Variants in PCDH7 observed in about 807,000 individuals in gnomAD.
PCDH7 encodes the protein protocadherin-7.
A neutral mutation model predicts 58.9 loss-of-function variants in PCDH7; 17 were observed. The observed-to-expected ratio is 0.29, with a 90% CI of 0.20 to 0.43. The LOEUF (loss-of-function observed/expected upper bound fraction) is 0.43, where lower values mean the gene tolerates loss of function less well. Among genes scored for constraint, PCDH7 ranks in the 20% least tolerant of loss-of-function variants. The pLI is 1.00. For synonymous variants in PCDH7, 664 were observed against 616.4 expected (o/e 1.08, Z -1.14); for missense variants, 1,274 against 1,441.0 (o/e 0.88, Z 1.88).
At chr4:31,097,255 G>A (rs532625157) in intron 3 of PCDH7, among the ~76,000 whole-genome samples, 2 of 151,870 alleles carry the variant, frequency 1.3e-5, no homozygotes, top group East Asian at 2.0e-4. Context: ...TCAGGAGTTC[G>A]AGACCAGGCT....
rs4586889 is a variant in PCDH7, at chr4:30,908,098, C to T, written c.71-12055C>T. On this transcript the variant is annotated intron_variant, in intron 1 of 3. Transcript: ENST00000509759. ...GGAACACCACACACCAGGGCCGGTT[C>T]GGGGGTGAGGGGCTAGGGGAGGGAT... Among the ~76,000 whole-genome samples, 390 of 151,864 alleles carry T rather than the reference C, an allele frequency of 2.6e-3. 1 individual carries two copies. The highest frequency in any genetic ancestry group is 2.7e-3 in the Non-Finnish European group (181 of 67,932).
At chr4:31,034,255 G>C (rs1755197482) in intron 3 of PCDH7, among the ~76,000 whole-genome samples, 1 of 151,944 alleles carries the variant, frequency 6.6e-6, no homozygotes. Context: ...TCTACATCGA[G>C]TTGGACCTTG....
At chr4:31,058,383 T>C (rs1445337962) in intron 3 of PCDH7, among the ~76,000 whole-genome samples, 1 of 152,094 alleles carries the variant, frequency 6.6e-6, no homozygotes, top group East Asian at 1.9e-4. Context: ...GTAAGCAATA[T>C]TAATTTATTT....
chr4:30,721,003 G>A lies in PCDH7; in HGVS notation c.-420G>A, dbSNP rs1037669766. Reference sequence around the variant, plus strand: ...TTCCCAGCCCCACTGCCCGTCTGCCGGAGCGGTTCTGGCCCCTTCCGACAG... The same window carrying A: ...TTCCCAGCCCCACTGCCCGTCTGCCAGAGCGGTTCTGGCCCCTTCCGACAG... On this transcript the variant is annotated 5_prime_UTR_variant, in exon 1 of 2. Coordinates refer to ENST00000361762, the Ensembl canonical transcript of PCDH7. This position sits in a 1 kb window ranked among gnomAD's most constrained non-coding sequence, Gnocchi z 6.7. 6.4e-5 allele frequency: 11 copies of A among 173,120 alleles called. No individual in the cohort carries two copies. Among genetic ancestry groups the A allele is most frequent in the Admixed American group, 5.6e-4 (9 of 15,960 alleles). 10.7% of individuals were successfully genotyped at this position (173,120 alleles called of 1,614,324 possible). A position where few individuals can be genotyped will look rare whatever the true frequency, so the allele number is the denominator to read the frequency against.
chr4:31,091,416 A>T (rs1329994787), intron 3 of PCDH7, among the ~76,000 whole-genome samples: 2 of 151,888 alleles, frequency 1.3e-5, no homozygotes, highest in East Asian at 3.9e-4. Context: ...AAAAATGAGA[A>T]AATATACTTT....
At chr4:31,057,711 C>T (rs983711393) in intron 3 of PCDH7, among the ~76,000 whole-genome samples, 6 of 152,090 alleles carry the variant, frequency 3.9e-5, no homozygotes, top group Admixed American at 2.0e-4. Context: ...ATTTATTGCT[C>T]ATTACTATAC....
At chr4:31,132,466 T>C (rs930170697) in intron 3 of PCDH7, among the ~76,000 whole-genome samples, 1 of 152,084 alleles carries the variant, frequency 6.6e-6, no homozygotes. Flanking sequence ...AGAATATACA[T>C]TCTACAACTT....
chr4:31,115,048 A>T (rs1359199854), intron 3 of PCDH7, among the ~76,000 whole-genome samples: 1 of 152,156 alleles, frequency 6.6e-6, no homozygotes, highest in Non-Finnish European at 1.5e-5. Context: ...GGACGCAATG[A>T]TTCAGTTTTG....
chr4:31,049,392 G>A (rs1433410449), intron 3 of PCDH7, among the ~76,000 whole-genome samples: 1 of 152,108 alleles, frequency 6.6e-6, no homozygotes, highest in Non-Finnish European at 1.5e-5. Context: ...GTGATAGGAG[G>A]TATAGGCCCT....
intron 3 of PCDH7, among the ~76,000 whole-genome samples, chr4:30,953,057 G>T (rs1036017522): frequency 6.6e-6 from 1 of 152,086 alleles, no homozygotes; most frequent in African/African-American, 2.4e-5. Flanking sequence ...TTTAAGAGTG[G>T]ATAGAGATTA....
At chr4:30,731,959 A>G (rs929211533) in exon 2 of PCDH7, 1 of 152,140 alleles carries the variant, frequency 6.6e-6, no homozygotes, top group Non-Finnish European at 1.5e-5. Flanking sequence ...ATTTTCCACA[A>G]ATTTGGGAAC....
chr4:30,866,823 C>G (rs894654912), intron 1 of PCDH7, among the ~76,000 whole-genome samples: 2 of 152,000 alleles, frequency 1.3e-5, no homozygotes, highest in Admixed American at 1.3e-4. Flanking sequence ...AAGATGAAAC[C>G]CTTCTGCAGC....
At chr4:30,846,134 C>G (rs1002957794) in intron 1 of PCDH7, among the ~76,000 whole-genome samples, 1 of 152,034 alleles carries the variant, frequency 6.6e-6, no homozygotes, top group African/African-American at 2.4e-5. Context: ...TATATCTATA[C>G]CAGGGTTTCC....
At chr4:30,803,410 T>G (rs1163693640) in intron 1 of PCDH7, among the ~76,000 whole-genome samples, 1 of 151,948 alleles carries the variant, frequency 6.6e-6, no homozygotes, top group Non-Finnish European at 1.5e-5. Context: ...AAAGCAACAA[T>G]AAAACACCAG....
chr4:30,799,660 A>G (rs1423850761), intron 1 of PCDH7, among the ~76,000 whole-genome samples: 2 of 152,144 alleles, frequency 1.3e-5, no homozygotes, highest in Non-Finnish European at 2.9e-5. Flanking sequence ...GCTGTTACTC[A>G]TGATGTGACA....
At chr4:30,981,072 G>A (rs969416353) in intron 3 of PCDH7, among the ~76,000 whole-genome samples, 7 of 152,162 alleles carry the variant, frequency 4.6e-5, no homozygotes, top group African/African-American at 1.7e-4. Context: ...TTGAACTCCT[G>A]ACCTTGTGAT....
rs370034723 is a variant in PCDH7, at chr4:31,097,638, A to ATATATATATAAAATC, written c.*8-44835_*8-44834insTATATATATAAAATC. Among the ~76,000 whole-genome samples, 95 of 79,228 alleles carry ATATATATATAAAATC rather than the reference A, an allele frequency of 1.2e-3. 15 individuals carry two copies. The highest frequency in any genetic ancestry group is 5.2e-3 in the South Asian group (12 of 2,320). 52.0% of individuals were successfully genotyped at this position (79,228 alleles called of 152,430 possible). On this transcript the variant is annotated intron_variant, in intron 3 of 3. Transcript: ENST00000509759. ...TATATATATATATATATATATATAT[A>ATATATATATAAAATC]AATCTTTTTTCTGTAATTTCTGTAA... is the stretch of plus-strand genomic sequence containing the variant.
Position 31,101,984 on chromosome 4 carries a change from T to A in PCDH7, c.*8-40489T>A, listed in dbSNP as rs143688118. Among the ~76,000 whole-genome samples the A allele has an allele frequency of 1.2e-4, 19 of 152,352 alleles. No homozygotes were observed. The South Asian group carries it at 1.4e-3, about 12-fold the overall frequency. On this transcript the variant is annotated intron_variant, in intron 3 of 3. Transcript: ENST00000509759. ...GAAAAATTTCACTTGGCTCTGACCC[T>A]AATGACTTAAATATTACCCATGTGG...
intron 2 of PCDH7, among the ~76,000 whole-genome samples, chr4:30,948,193 A>C (rs1302844861): frequency 6.6e-6 from 1 of 151,812 alleles, no homozygotes. Context: ...CTCCCAGTGC[A>C]CTGCTAATTC....
Sources: allele counts gnomAD v4.1 joint callset (sites outside exome capture counted in the v4.1 genomes callset), GRCh38; gene constraint gnomAD v4.1.1; non-coding constraint Gnocchi (gnomAD v3.1); transcripts MANE v1.5; gene names NCBI Gene and HGNC (gene_info 2026-07-23, HGNC 2026-07-21).